Variants in SRA1 observed in about 807,000 individuals in gnomAD.
SRA1 encodes the protein lncRNA SRA.
A neutral mutation model predicts 24.3 loss-of-function variants in SRA1; 25 were observed. That is an observed-to-expected ratio of 1.03 (90% CI 0.75 to 1.43). SRA1 has a LOEUF of 1.43. SRA1 is among the 40% of genes most tolerant of loss of function. SRA1 has a pLI of 0.00. For synonymous variants in SRA1, 104 were observed against 109.5 expected, an observed-to-expected ratio of 0.95 and a Z score of 0.31; for missense variants, 303 against 286.6, an observed-to-expected ratio of 1.06 and a Z score of -0.41.
In SRA1 at chr5:140,550,683, G is replaced by A; in HGVS notation, c.*17C>T. The stretch of plus-strand genomic sequence containing the variant: ...AGGCATAGGAGATGGTGTCCGGTGA[G>A]TCTGGGGAACCGAGGATTATGAAGC... On this transcript the variant is annotated 3_prime_UTR_variant, in exon 5 of 5. Coordinates refer to ENST00000336283, the MANE Select transcript of SRA1 (RefSeq NM_001035235.4). 6.2e-7 allele frequency: 1 copy of A among 1,612,848 alleles called. No homozygotes were observed. The highest frequency in any genetic ancestry group is 8.5e-7 in the Non-Finnish European group (1 of 1,178,890).
intron 2 of SRA1, among the ~76,000 whole-genome samples, chr5:140,553,351 A>G (rs1754613263): frequency 6.6e-6 from 1 of 152,182 alleles, no homozygotes; most frequent in Non-Finnish European, 1.5e-5. Context: ...TATGTAGCAA[A>G]AAGTACAAAA....
chr5:140,554,640 C>T (rs962948371), intron 2 of SRA1, among the ~76,000 whole-genome samples: 16 of 152,204 alleles, frequency 1.1e-4, no homozygotes, highest in African/African-American at 2.9e-4. Flanking sequence ...TGAATCATCC[C>T]GTTAGTGTAC....
rs760831320 is a variant in SRA1 at position 140,557,229 on chromosome 5, G to T, written c.69C>A (p.Tyr23Ter). 17 of 1,613,182 alleles carry T rather than the reference G, an allele frequency of 1.1e-5. No individual in the cohort carries two copies. Among genetic ancestry groups the T allele is most frequent in the Middle Eastern group, 1.6e-4 (1 of 6,084 alleles). The change falls in exon 2 of 5, where the codon TAC (tyrosine) becomes TAA (stop). Residue 23 changes from tyrosine (Y) to a stop codon, truncating the protein, a stop_gained. Coordinates refer to ENST00000336283, the MANE Select transcript of SRA1 (RefSeq NM_001035235.4). LOFTEE classifies it high-confidence loss of function. ...RGWNDPPQFS[Y>*]GLQTQAGGPR... ...GTCCGCCGGCCTGGGTCTGCAGCCC[G>T]TATGAGAACTGCGGCGGGTCGTTCC...
chr5:140,557,380 CTAGG>C, intron 1 of SRA1, 44 bp downstream of exon 1: 1 of 1,602,432 alleles, frequency 6.2e-7, no homozygotes. Flanking sequence ...CGCCCCCAGC[CTAGG>C]CCGGGGCGAC....
intron 2 of SRA1, among the ~76,000 whole-genome samples, chr5:140,554,530 C>T (rs1054367015): frequency 2.0e-5 from 3 of 152,168 alleles, no homozygotes; most frequent in African/African-American, 7.2e-5. Context: ...CTATCAAAAG[C>T]CATCTTACCA....
upstream of SRA1, chr5:140,557,508 G>A (rs896746422): frequency 5.2e-6 from 8 of 1,534,870 alleles, no homozygotes; most frequent in Non-Finnish European, 7.0e-6. Flanking sequence ...GGCCCCTCAC[G>A]CGGGCCAGTT....
intron 2 of SRA1, among the ~76,000 whole-genome samples, chr5:140,552,415 G>T (rs189734473): frequency 6.6e-6 from 1 of 152,212 alleles, no homozygotes; most frequent in Non-Finnish European, 1.5e-5. Context: ...CACTTTGGGA[G>T]GCTGAGGCAG....
At position 140,552,138 on chromosome 5, in the gene SRA1, T is replaced by G; in HGVS notation, c.198A>C (p.Pro66=). ...ACCTGGGAGCCTTACTTGAAGGAGG[T>G]GGAGGCCCCATTGGGGGAGGCCCAG... is the stretch of plus-strand genomic sequence containing the variant. ...TSPGPPPMGP[P]PPSSKAPRSP... The change falls in exon 3 of 5, where the codon CCA becomes CCC. Residue 66 remains proline, a synonymous_variant. Transcript: ENST00000336283. 2.5e-6 allele frequency: 4 copies of G among 1,611,100 alleles called. No individual in the cohort carries two copies. The highest frequency in any genetic ancestry group is 2.5e-6 in the Non-Finnish European group (3 of 1,178,726).
intron 2 of SRA1, among the ~76,000 whole-genome samples, chr5:140,552,969 G>T (rs1754605735): frequency 6.6e-6 from 1 of 152,146 alleles, no homozygotes. Context: ...ATGCTACCAA[G>T]AAATAAAATG....
At position 140,551,186 on chromosome 5, in the gene SRA1, CCCCT is replaced by C. The variant is rs764575502; in HGVS notation, c.355-21_355-18del. 19 of 1,601,342 alleles carry C rather than the reference CCCCT, an allele frequency of 1.2e-5. No individual in the cohort carries two copies. In the South Asian group the frequency reaches 1.9e-4, roughly 16 times the overall value. ...TACCTGCTTCTAAGAGACAGAAGCC[CCCCT>C]CCAATTCAGTGCTGCCAGCCCAATG... On this transcript the variant is annotated intron_variant, in intron 3 of 4. Transcript: ENST00000336283.
At position 140,550,327 on chromosome 5, in the gene SRA1, C is replaced by T; in HGVS notation, c.*373G>A. ...GCTGCTCCGCCCAGCACAGGATGTG[C>T]TTTCAGTCTACTTTGGGAAAAAGTG... is the stretch of plus-strand genomic sequence containing the variant. On this transcript the variant is annotated 3_prime_UTR_variant, in exon 5 of 5. Transcript: ENST00000336283. 1 of 292,368 alleles carries T rather than the reference C, an allele frequency of 3.4e-6. No homozygotes were observed. The highest frequency in any genetic ancestry group is 6.6e-6 in the Non-Finnish European group (1 of 151,158). The allele number at this position is 292,368 out of a possible 1,614,324, so 18.1% of individuals were successfully genotyped here. A position where few individuals can be genotyped will look rare whatever the true frequency, so the allele number is the denominator to read the frequency against.
At chr5:140,557,609 G>C, upstream of SRA1, 1 of 814,962 alleles carries the variant, frequency 1.2e-6, no homozygotes, top group South Asian at 1.8e-5. Flanking sequence ...GGACCCTGCG[G>C]CAACTCCCTA....
In SRA1 at chr5:140,550,522, T is replaced by G; in HGVS notation, c.*178A>C. The stretch of plus-strand genomic sequence containing the variant: ...CCCAAGGCCCACCGCAGAGATGTTT[T>G]TATTGAAATGCATGTTATGAGTAAC... On this transcript the variant is annotated 3_prime_UTR_variant, in exon 5 of 5. Coordinates refer to ENST00000336283, the MANE Select transcript of SRA1 (RefSeq NM_001035235.4). 7 of 640,486 alleles carry G rather than the reference T, an allele frequency of 1.1e-5. No homozygotes were observed. The highest frequency in any genetic ancestry group is 1.7e-5 in the Non-Finnish European group (6 of 358,950). 39.7% of individuals were successfully genotyped at this position (640,486 alleles called of 1,614,324 possible).
At chr5:140,557,761 A>C, upstream of SRA1, 5 of 499,518 alleles carry the variant, frequency 1.0e-5, no homozygotes, top group East Asian at 3.5e-5. Context: ...CCCCACATAC[A>C]CCCCGCTGTG....
chr5:140,557,386 C>T (rs1467238938), intron 1 of SRA1, 42 bp downstream of exon 1: 1 of 1,599,926 alleles, frequency 6.3e-7, no homozygotes, highest in Non-Finnish European at 8.5e-7. Flanking sequence ...CAGCCTAGGC[C>T]GGGGCGACAA....
chr5:140,557,767 C>A (rs1199889312), upstream of SRA1: 1 of 513,186 alleles, frequency 1.9e-6, no homozygotes, highest in African/African-American at 2.0e-5. Flanking sequence ...ATACACCCCG[C>A]TGTGATCTAG....
At chr5:140,552,653 C>CAAAAA (rs1230692302) in intron 2 of SRA1, among the ~76,000 whole-genome samples, 3 of 107,696 alleles carry the variant, frequency 2.8e-5, no homozygotes, top group South Asian at 3.0e-4. Flanking sequence ...AACTCTGTCT[C>CAAAAA]AAAAAAAAAA....
At chr5:140,552,626 C>G (rs1162659852) in intron 2 of SRA1, among the ~76,000 whole-genome samples, 3 of 150,584 alleles carry the variant, frequency 2.0e-5, no homozygotes, top group African/African-American at 7.4e-5. Context: ...GCACTCCAGC[C>G]TGGGCAACAA....
At position 140,551,183 on chromosome 5, in the gene SRA1, G is replaced by A. The variant is rs766809070; in HGVS notation, c.355-14C>T. ...ACATACCTGCTTCTAAGAGACAGAA[G>A]CCCCCCTCCAATTCAGTGCTGCCAG... On this transcript the variant is annotated splice_polypyrimidine_tract_variant and intron_variant, in intron 3 of 4. Coordinates refer to ENST00000336283, the MANE Select transcript of SRA1 (RefSeq NM_001035235.4). 1.4e-5 allele frequency: 23 copies of A among 1,608,286 alleles called. No homozygotes were observed. Among genetic ancestry groups the A allele is most frequent in the Middle Eastern group, 3.4e-4 (2 of 5,896 alleles).
Sources: allele counts gnomAD v4.1 joint callset (sites outside exome capture counted in the v4.1 genomes callset), GRCh38; gene constraint gnomAD v4.1.1; transcripts MANE v1.5; gene names NCBI Gene and HGNC (gene_info 2026-07-23, HGNC 2026-07-21).